PRAMEF1: variants seen among roughly 807,000 people sequenced by gnomAD.
PRAMEF1 encodes the protein PRAME family member 1.
PRAMEF1 carries 21 observed loss-of-function variants against 38.2 expected under a neutral mutation model. The ratio of observed to expected loss-of-function variants is 0.55; its 90% CI spans 0.39 to 0.79. PRAMEF1 has a LOEUF of 0.79. Among genes scored for constraint, PRAMEF1 ranks in the 30% least tolerant of loss-of-function variants. The pLI, the probability that PRAMEF1 is intolerant of heterozygous loss-of-function variation, is 0.00. For missense variants in PRAMEF1, 497 were observed against 565.8 expected, an observed-to-expected ratio of 0.88 and a Z score of 1.23; for synonymous variants, 200 against 229.0, an observed-to-expected ratio of 0.87 and a Z score of 1.14.
At chr1:12,793,792 G>A in intron 2 of PRAMEF1, 123 bp from the exon 3 acceptor site, 1 of 1,425,288 alleles carries the variant, frequency 7.0e-7, no homozygotes. Context: ...CAGGGATTGA[G>A]AAAAGACAAA....
rs267597970 is a variant in PRAMEF1, at chr1:12,793,385, C to T, written c.158C>T (p.Thr53Met). ...AFSRRHFQTL[T>M]VMVQAWPFTC... ...AGCAGGAGACACTTCCAGACTCTGA[C>T]GGTGATGGTTCAGGCCTGGCCCTTC... is the stretch of plus-strand genomic sequence containing the variant. Residue 53 changes from threonine to methionine, a missense_variant, in exon 2 of 4, where the codon ACG (threonine) becomes ATG (methionine). By Grantham distance (81) the Thr-to-Met change is moderately conservative. Coordinates refer to ENST00000332296, the MANE Select transcript of PRAMEF1 (RefSeq NM_023013.4). The T allele has an allele frequency of 3.7e-5, 59 of 1,610,118 alleles. 5 individuals carry two copies. The highest frequency in any genetic ancestry group is 6.8e-5 in the East Asian group (3 of 44,380).
chr1:12,796,113 A>C lies in PRAMEF1; in HGVS notation c.*117A>C, dbSNP rs1639399457. 2.2e-6 allele frequency: 3 copies of C among 1,334,838 alleles called. No individual in the cohort carries two copies. The highest frequency in any genetic ancestry group is 3.0e-6 in the Non-Finnish European group (3 of 999,388). The allele number at this position is 1,334,838 out of a possible 1,614,324, so 82.7% of individuals were successfully genotyped here. A position where few individuals can be genotyped will look rare whatever the true frequency, so the allele number is the denominator to read the frequency against. ...TCTTTTCTTATTTATTTCATTTTTT[A>C]ATAATTCCAAAATTTTTATTAAAGA... On this transcript the variant is annotated 3_prime_UTR_variant, in exon 4 of 4. Coordinates refer to ENST00000332296, the MANE Select transcript of PRAMEF1 (RefSeq NM_023013.4).
At chr1:12,792,056 A>G (rs1639302735) in intron 1 of PRAMEF1, among the ~76,000 whole-genome samples, 1 of 150,620 alleles carries the variant, frequency 6.6e-6, no homozygotes, top group Non-Finnish European at 1.5e-5. Context: ...GAGTTTCCCT[A>G]TTGTTGCCCA....
Position 12,794,071 on chromosome 1 carries a change from G to A in PRAMEF1, c.444G>A (p.Lys148=), listed in dbSNP as rs775257049. 7 of 1,609,220 alleles carry A rather than the reference G, an allele frequency of 4.3e-6. No individual in the cohort carries two copies. The East Asian group carries it at 1.6e-4, about 36-fold the overall frequency. The change falls in exon 3 of 4, where the codon AAG becomes AAA. Residue 148 remains lysine (K), a synonymous_variant. Coordinates refer to ENST00000332296, the MANE Select transcript of PRAMEF1 (RefSeq NM_023013.4). ...GGATGGGAGAGCACCAGCCCTTAAA[G>A]GTGTTCATAGACATCTGCCTCAAGG... ...CPRMGEHQPL[K]VFIDICLKEI...
chr1:12,795,621 T>C lies in PRAMEF1; in HGVS notation c.1050T>C (p.Ser350=), dbSNP rs1260040538. Residue 350 remains serine, a synonymous_variant, in exon 4 of 4, where the codon TCT becomes TCC. Coordinates refer to ENST00000332296, the MANE Select transcript of PRAMEF1 (RefSeq NM_023013.4). ...LGALLEKIAA[S]LKTLILEGCQ... is the part of the protein sequence containing the mutation. ...CTCTGCTGGAGAAAATTGCTGCCTC[T>C]CTCAAAACCCTCATCTTGGAGGGCT... The C allele has an allele frequency of 1.2e-6, 2 of 1,611,598 alleles. No individual in the cohort carries two copies. Among genetic ancestry groups the C allele is most frequent in the African/African-American group, 1.3e-5 (1 of 74,704 alleles).
chr1:12,792,569 A>G (rs1639311898), intron 1 of PRAMEF1, among the ~76,000 whole-genome samples: 1 of 151,046 alleles, frequency 6.6e-6, no homozygotes, highest in Non-Finnish European at 1.5e-5. Context: ...ATTTTAATTA[A>G]CTTATTTATC....
Position 12,795,674 on chromosome 1 carries a change from C to T in PRAMEF1, c.1103C>T (p.Ala368Val). 1 of 1,611,312 alleles carries T rather than the reference C, an allele frequency of 6.2e-7. No homozygotes were observed. The highest frequency in any genetic ancestry group is 2.2e-5 in the East Asian group (1 of 44,834). The change falls in exon 4 of 4, where the codon GCC (alanine) becomes GTC (valine). Residue 368 changes from alanine to valine, a missense_variant. Physicochemically the swap from Ala to Val is moderately conservative, Grantham distance 64 (BLOSUM62 0). This residue lies in a region of PRAMEF1 where 470 missense variants were observed against 501.9 expected (regional missense o/e 0.94). Transcript: ENST00000332296. ...CAGATCCACTACTCCCAACTCAGTG[C>T]CATCCTGCCTGGCCTGAGCCGCTGC... is the stretch of plus-strand genomic sequence containing the variant. ...GCQIHYSQLS[A>V]ILPGLSRCSQ...
In PRAMEF1 at chr1:12,793,092, C is replaced by T. The variant is rs1317625007; in HGVS notation, c.-25-111C>T. ...AAGAAAATTAATAAGTCAGTGGTCT[C>T]CATGACCCCTCCCTCCTTGGTGTTT... is the stretch of plus-strand genomic sequence containing the variant. On this transcript the variant is annotated intron_variant, in intron 1 of 3. Transcript: ENST00000332296. 6.4e-6 allele frequency: 9 copies of T among 1,413,526 alleles called. No homozygotes were observed. In the African/African-American group the frequency reaches 1.1e-4, roughly 18 times the overall value. 87.6% of individuals were successfully genotyped at this position (1,413,526 alleles called of 1,614,324 possible). A position where few individuals can be genotyped will look rare whatever the true frequency, so the allele number is the denominator to read the frequency against.
At position 12,793,384 on chromosome 1, in the gene PRAMEF1, A is replaced by G. The variant is rs1182440777; in HGVS notation, c.157A>G (p.Thr53Ala). The stretch of plus-strand genomic sequence containing the variant: ...CAGCAGGAGACACTTCCAGACTCTG[A>G]CGGTGATGGTTCAGGCCTGGCCCTT... Reference protein sequence around the residue: ...AFSRRHFQTLTVMVQAWPFTC... With the variant: ...AFSRRHFQTLAVMVQAWPFTC... Residue 53 changes from threonine to alanine, a missense_variant, in exon 2 of 4, where the codon ACG (threonine) becomes GCG (alanine). Physicochemically the swap from Thr to Ala is moderately conservative, Grantham distance 58. Around this residue, in one of 2 missense-constraint regions of PRAMEF1, gnomAD observed 470 missense variants for 501.9 expected, o/e 0.94. Coordinates refer to ENST00000332296, the MANE Select transcript of PRAMEF1 (RefSeq NM_023013.4). 2 of 1,610,012 alleles carry G rather than the reference A, an allele frequency of 1.2e-6. No homozygotes were observed. Among genetic ancestry groups the G allele is most frequent in the Non-Finnish European group, 1.7e-6 (2 of 1,177,892 alleles).
chr1:12,793,879 T>G (rs1473973348), intron 2 of PRAMEF1, 36 bp from the exon 3 acceptor site: 4 of 1,599,798 alleles, frequency 2.5e-6, no homozygotes, highest in African/African-American at 1.3e-5. Context: ...GATGAGTCCT[T>G]CTAAATTCTG....
chr1:12,795,027 G>A (rs1303964054), intron 3 of PRAMEF1: 1 of 1,180,806 alleles, frequency 8.5e-7, no homozygotes, highest in African/African-American at 1.6e-5. Context: ...AGGCGTGAGA[G>A]TGGTAAAAAG....
Position 12,795,771 on chromosome 1 carries a change from C to T in PRAMEF1, c.1200C>T (p.His400=), listed in dbSNP as rs764527636. 3.7e-6 allele frequency: 6 copies of T among 1,611,170 alleles called. No homozygotes were observed. The highest frequency in any genetic ancestry group is 1.1e-5 in the South Asian group (1 of 90,922). The change falls in exon 4 of 4, where the codon CAC becomes CAT. Residue 400 remains histidine, a synonymous_variant. Coordinates refer to ENST00000332296, the MANE Select transcript of PRAMEF1 (RefSeq NM_023013.4). ...ACGCCCTGAAGGACCTGCTGCGCCACACCAGTGGGCTGAGCAAGTTAAGCC... is the reference window on the plus strand; with the variant it reads ...ACGCCCTGAAGGACCTGCTGCGCCATACCAGTGGGCTGAGCAAGTTAAGCC... The part of the protein sequence containing the change: ...SIDALKDLLR[H]TSGLSKLSLE...
rs148150197 is a variant in PRAMEF1, at chr1:12,794,196, C to G, written c.569C>G (p.Thr190Arg). The part of the protein sequence containing the change: ...LCCSKLVNYL[T>R]PIKYLRKSLK... ...TGTAGTAAGCTGGTCAATTATCTAACGCCGATTAAATATCTCAGAAAGTCA... is the reference window on the plus strand; with the variant it reads ...TGTAGTAAGCTGGTCAATTATCTAAGGCCGATTAAATATCTCAGAAAGTCA... The change falls in exon 3 of 4, where the codon ACG becomes AGG. Residue 190 changes from threonine to arginine, a missense_variant. Coordinates refer to ENST00000332296, the MANE Select transcript of PRAMEF1 (RefSeq NM_023013.4). The G allele has an allele frequency of 6.2e-7, 1 of 1,611,236 alleles. No homozygotes were observed. Among genetic ancestry groups the G allele is most frequent in the Non-Finnish European group, 8.5e-7 (1 of 1,178,406 alleles).
chr1:12,795,164 G>A (rs1374653366), intron 3 of PRAMEF1, among the ~76,000 whole-genome samples: 2,909 of 149,586 alleles, frequency 0.019, 44 homozygotes, highest in South Asian at 0.042. Context: ...CTGTGGCCCA[G>A]AGATGAAGTT....
chr1:12,796,092 T>C lies in PRAMEF1; in HGVS notation c.*96T>C. The C allele has an allele frequency of 7.5e-7, 1 of 1,324,530 alleles. No individual in the cohort carries two copies. Among genetic ancestry groups the C allele is most frequent in the African/African-American group, 1.5e-5 (1 of 66,502 alleles). 82.0% of individuals were successfully genotyped at this position (1,324,530 alleles called of 1,614,324 possible). A position where few individuals can be genotyped will look rare whatever the true frequency, so the allele number is the denominator to read the frequency against. On this transcript the variant is annotated 3_prime_UTR_variant, in exon 4 of 4. Coordinates refer to ENST00000332296, the MANE Select transcript of PRAMEF1 (RefSeq NM_023013.4). ...TGTGGGTGCAAACTATTTTTCTCTT[T>C]TCTTATTTATTTCATTTTTTAATAA...
rs1569739861 is a variant in PRAMEF1 at position 12,796,307 on chromosome 1, A to G, written c.*311A>G. On this transcript the variant is annotated 3_prime_UTR_variant, in exon 4 of 4. Coordinates refer to ENST00000332296, the MANE Select transcript of PRAMEF1 (RefSeq NM_023013.4). ...ACAGGCAAGTGTTCAGTGTGAGGGA[A>G]AAAACATAACAGCAGGGGGCAAGGT... 1 of 447,252 alleles carries G rather than the reference A, an allele frequency of 2.2e-6. No homozygotes were observed. The highest frequency in any genetic ancestry group is 3.8e-6 in the Non-Finnish European group (1 of 266,200). 27.7% of individuals were successfully genotyped at this position (447,252 alleles called of 1,614,324 possible). A position where few individuals can be genotyped will look rare whatever the true frequency, so the allele number is the denominator to read the frequency against.
At chr1:12,791,858 C>G (rs1639299422) in intron 1 of PRAMEF1, among the ~76,000 whole-genome samples, 1 of 151,066 alleles carries the variant, frequency 6.6e-6, no homozygotes, top group Non-Finnish European at 1.5e-5. Flanking sequence ...GTATCCCACA[C>G]AGCAATCTCA....
chr1:12,791,550 A>AAGTG (rs1282507537), intron 1 of PRAMEF1, 76 bp downstream of exon 1: 1 of 148,440 alleles, frequency 6.7e-6, no homozygotes, highest in Non-Finnish European at 1.5e-5. Flanking sequence ...ACACATCCCA[A>AAGTG]AGTGGCACAC....
Position 12,796,114 on chromosome 1 carries a change from A to G in PRAMEF1, c.*118A>G, listed in dbSNP as rs998455674. 6 of 1,339,742 alleles carry G rather than the reference A, an allele frequency of 4.5e-6. No individual in the cohort carries two copies. Among genetic ancestry groups the G allele is most frequent in the East Asian group, 2.6e-5 (1 of 38,302 alleles). 83.0% of individuals were successfully genotyped at this position (1,339,742 alleles called of 1,614,324 possible). ...CTTTTCTTATTTATTTCATTTTTTA[A>G]TAATTCCAAAATTTTTATTAAAGAC... On this transcript the variant is annotated 3_prime_UTR_variant, in exon 4 of 4. Transcript: ENST00000332296.
Sources: gnomAD v4.1 joint callset for allele counts (sites outside exome capture counted in the v4.1 genomes callset) on GRCh38, gnomAD v4.1.1 for gene constraint, gnomAD v4.1.1 regional missense constraint, MANE v1.5 for transcripts, NCBI Gene and HGNC (gene_info 2026-07-23, HGNC 2026-07-21) for gene names.